KIF26B: variants seen among roughly 807,000 people sequenced by gnomAD.
The protein encoded by KIF26B is kinesin family member 26B.
A neutral mutation model predicts 151.2 loss-of-function variants in KIF26B; 63 were observed. The ratio of observed to expected loss-of-function variants is 0.42; its 90% CI spans 0.34 to 0.51. KIF26B has a LOEUF of 0.51. Among genes scored for constraint, KIF26B ranks in the 20% least tolerant of loss-of-function variants. KIF26B has a pLI of 0.07. For missense variants in KIF26B, 2,813 were observed against 2,913.6 expected (o/e 0.97, Z 0.79); for synonymous variants, 1,357 against 1,262.1 (o/e 1.08, Z -1.59).
intron 5 of KIF26B, among the ~76,000 whole-genome samples, chr1:245,557,321 C>T (rs1287107636): frequency 6.6e-6 from 1 of 152,170 alleles, no homozygotes; most frequent in Non-Finnish European, 1.5e-5. Context: ...GATCTCTTTG[C>T]GGATGTGGAG....
rs1160152943 is a variant in KIF26B at position 245,490,305 on chromosome 1, CATT to C, written c.1167-50461_1167-50459del. 8.0e-5 allele frequency among the ~76,000 whole-genome samples: 9 copies of C among 112,936 alleles called. No individual in the cohort carries two copies. In the East Asian group the frequency reaches 1.4e-3, roughly 17 times the overall value. 74.1% of individuals were successfully genotyped at this position (112,936 alleles called of 152,430 possible). A position where few individuals can be genotyped will look rare whatever the true frequency, so the allele number is the denominator to read the frequency against. ...CAATACCAACCAAGCTTCTGTAGAA[CATT>C]TTTTTTTTTTTTTTTTTTTTTTGAG... On this transcript the variant is annotated intron_variant, in intron 4 of 14. Coordinates refer to ENST00000407071, the MANE Select transcript of KIF26B (RefSeq NM_018012.4).
In KIF26B at chr1:245,684,331, C is replaced by T. The variant is rs770675181; in HGVS notation, c.2357C>T (p.Ala786Val). The change falls in exon 11 of 15, where the codon GCG (alanine) becomes GTG (valine). Residue 786 changes from alanine (A) to valine (V), a missense_variant. Physicochemically the swap from Ala to Val is moderately conservative, Grantham distance 64. Transcript: ENST00000407071. ...AHISAAVGSY[A>V]ETLSTIQIAS... ...ATCTCGGCCGCGGTCGGGAGCTACG[C>T]GGAGACCCTGTCCACCATCCAGATT... is the stretch of plus-strand genomic sequence containing the variant. 9.9e-5 allele frequency: 160 copies of T among 1,613,692 alleles called. No individual in the cohort carries two copies. Among genetic ancestry groups the T allele is most frequent in the Non-Finnish European group, 1.2e-4 (142 of 1,179,860 alleles).
At position 245,454,582 on chromosome 1, in the gene KIF26B, T is replaced by C. The variant is rs1285014250; in HGVS notation, c.1166+34837T>C. 2.6e-5 allele frequency among the ~76,000 whole-genome samples: 4 copies of C among 152,214 alleles called. No homozygotes were observed. In the East Asian group the frequency reaches 5.8e-4, roughly 22 times the overall value. On this transcript the variant is annotated intron_variant, in intron 4 of 14. Coordinates refer to ENST00000407071, the MANE Select transcript of KIF26B (RefSeq NM_018012.4). ...AACAAACCTTAGCCTTTTCCTTTGA[T>C]ACCTTCCATTGGGAGCCTTCATACA... is the stretch of plus-strand genomic sequence containing the variant.
At chr1:245,359,730 A>G (rs978415292) in intron 2 of KIF26B, among the ~76,000 whole-genome samples, 2 of 137,822 alleles carry the variant, frequency 1.5e-5, no homozygotes, top group South Asian at 2.3e-4. Flanking sequence ...TCCTTCCGAT[A>G]TGGGTTTTCC....
intron 8 of KIF26B, among the ~76,000 whole-genome samples, chr1:245,611,029 A>T (rs1283420651): frequency 6.6e-6 from 1 of 152,152 alleles, no homozygotes; most frequent in East Asian, 1.9e-4. Context: ...TGTTAATGTG[A>T]TCGTTGTGAT....
chr1:245,616,412 T>TA (rs1221284159), intron 9 of KIF26B, among the ~76,000 whole-genome samples: 5 of 152,184 alleles, frequency 3.3e-5, no homozygotes, highest in African/African-American at 1.2e-4. Flanking sequence ...GAGCTGCTTC[T>TA]CATAACGACG....
At chr1:245,309,901 T>G (rs527902685) in intron 2 of KIF26B, among the ~76,000 whole-genome samples, 1 of 146,676 alleles carries the variant, frequency 6.8e-6, no homozygotes, top group South Asian at 2.1e-4. Flanking sequence ...TCACTATATA[T>G]ATCTCTTACT....
intron 9 of KIF26B, among the ~76,000 whole-genome samples, chr1:245,622,199 C>T (rs561820695): frequency 1.2e-4 from 18 of 152,300 alleles, no homozygotes; most frequent in African/African-American, 4.3e-4. Flanking sequence ...ACAGAAGTGA[C>T]ACATTATATC....
chr1:245,316,316 G>A (rs1268991304), intron 2 of KIF26B, among the ~76,000 whole-genome samples: 2 of 151,976 alleles, frequency 1.3e-5, no homozygotes, highest in Non-Finnish European at 2.9e-5. Context: ...TAGAGATGGG[G>A]CCTCACCATG....
In KIF26B at chr1:245,516,531, C is replaced by T. The variant is rs957572220; in HGVS notation, c.1167-24236C>T. 1.3e-5 allele frequency among the ~76,000 whole-genome samples: 2 copies of T among 152,132 alleles called. No individual in the cohort carries two copies. The highest frequency in any genetic ancestry group is 2.4e-5 in the African/African-American group (1 of 41,422). ...AATACACTGTGGGTCTATTATTCGCCTCTTCAGATCCAGCCCAGGAGTTGG... is the reference window on the plus strand; with the variant it reads ...AATACACTGTGGGTCTATTATTCGCTTCTTCAGATCCAGCCCAGGAGTTGG... On this transcript the variant is annotated intron_variant, in intron 4 of 14. Coordinates refer to ENST00000407071, the MANE Select transcript of KIF26B (RefSeq NM_018012.4). The surrounding 1 kb of genome is among the most constrained non-coding windows in gnomAD (Gnocchi z 4.2).
At chr1:245,538,353 A>T (rs1269265116) in intron 4 of KIF26B, among the ~76,000 whole-genome samples, 1 of 151,990 alleles carries the variant, frequency 6.6e-6, no homozygotes, top group African/African-American at 2.4e-5. Flanking sequence ...CAGGAGAAGG[A>T]TTTGTGTTTT....
rs377407599 is a variant in KIF26B at position 245,464,642 on chromosome 1, G to C, written c.1166+44897G>C. The stretch of plus-strand genomic sequence containing the variant: ...TGGGTGTGTGCATGTTTGGCACCGT[G>C]TGTGTGGGTGTGCGTGTGTGTGTGT... On this transcript the variant is annotated intron_variant, in intron 4 of 14. Transcript: ENST00000407071. Among the ~76,000 whole-genome samples the C allele has an allele frequency of 3.1e-4, 47 of 150,176 alleles. No individual in the cohort carries two copies. In the South Asian group the frequency reaches 8.0e-3, roughly 26 times the overall value.
intron 2 of KIF26B, among the ~76,000 whole-genome samples, chr1:245,220,331 A>G (rs1669739125): frequency 6.6e-6 from 1 of 152,032 alleles, no homozygotes; most frequent in Non-Finnish European, 1.5e-5. Flanking sequence ...GTGGGCTTTT[A>G]AGGTAAGAAT....
At chr1:245,656,189 G>A (rs1006400212) in intron 10 of KIF26B, among the ~76,000 whole-genome samples, 2 of 151,962 alleles carry the variant, frequency 1.3e-5, no homozygotes, top group African/African-American at 4.8e-5. Flanking sequence ...CCGAGTAACT[G>A]ATAATATACG....
At chr1:245,234,290 A>G (rs1457314715) in intron 2 of KIF26B, 1 of 152,272 alleles carries the variant, frequency 6.6e-6, no homozygotes, top group Non-Finnish European at 1.5e-5. Flanking sequence ...TGATACCTCT[A>G]AGTAAATACC....
intron 5 of KIF26B, among the ~76,000 whole-genome samples, chr1:245,562,030 A>C (rs1409390764): frequency 1.3e-5 from 2 of 152,044 alleles, no homozygotes; most frequent in East Asian, 3.9e-4. Flanking sequence ...GCTGTTTCAT[A>C]CCCAGATGAC....
Position 245,646,106 on chromosome 1 carries a change from T to A in KIF26B, c.2099-15T>A. The A allele has an allele frequency of 6.2e-7, 1 of 1,612,112 alleles. No individual in the cohort carries two copies. The highest frequency in any genetic ancestry group is 8.5e-7 in the Non-Finnish European group (1 of 1,178,622). ...GAACTTAACCATTTCTCTTTTATCT[T>A]CTCCCCTGTGGTAGTGTCTGGAGGT... On this transcript the variant is annotated splice_polypyrimidine_tract_variant and intron_variant, in intron 9 of 14. Coordinates refer to ENST00000407071, the MANE Select transcript of KIF26B (RefSeq NM_018012.4).
intron 2 of KIF26B, chr1:245,282,728 G>A (rs1456337221): frequency 6.3e-6 from 1 of 158,256 alleles, no homozygotes; most frequent in African/African-American, 2.4e-5. Context: ...CTCCGCTTTG[G>A]AGCCCCCGCT....
chr1:245,513,134 A>C (rs1660872010), intron 4 of KIF26B, among the ~76,000 whole-genome samples: 1 of 150,700 alleles, frequency 6.6e-6, no homozygotes, highest in African/African-American at 2.4e-5. Flanking sequence ...AAGCAACCCC[A>C]CCCTCCTCCA....
Sources: gnomAD v4.1 joint callset for allele counts (sites outside exome capture counted in the v4.1 genomes callset) on GRCh38, gnomAD v4.1.1 for gene constraint, Gnocchi (gnomAD v3.1) non-coding constraint, MANE v1.5 for transcripts, NCBI Gene and HGNC (gene_info 2026-07-23, HGNC 2026-07-21) for gene names.